CDH13: variants seen among roughly 807,000 people sequenced by gnomAD.
CDH13 encodes cadherin-13.
Under a neutral mutation model 63.8 loss-of-function variants are expected in CDH13, and 24 were observed. The observed-to-expected ratio is 0.38, with a 90% CI of 0.27 to 0.53. The LOEUF (loss-of-function observed/expected upper bound fraction) is 0.53, where lower values mean the gene tolerates loss of function less well. CDH13 is among the 20% of genes least tolerant of loss of function. CDH13 has a pLI of 0.85. For synonymous variants in CDH13, 503 were observed against 355.3 expected (o/e 1.42, Z -4.67); for missense variants, 1,049 against 903.1 (o/e 1.16, Z -2.07).
chr16:82,881,270 A>T (rs1011578207), intron 2 of CDH13, among the ~76,000 whole-genome samples: 12 of 152,082 alleles, frequency 7.9e-5, no homozygotes, highest in Non-Finnish European at 1.3e-4. Flanking sequence ...CATGGGTTGA[A>T]GTCTCCGGAA....
intron 5 of CDH13, among the ~76,000 whole-genome samples, chr16:83,286,346 A>G (rs930361079): frequency 2.0e-5 from 3 of 152,228 alleles, no homozygotes; most frequent in Non-Finnish European, 4.4e-5. Flanking sequence ...AAAGAGTTCT[A>G]TCCTCAGGGC....
chr16:82,712,541 C>G (rs907258579), intron 1 of CDH13, among the ~76,000 whole-genome samples: 2 of 152,214 alleles, frequency 1.3e-5, no homozygotes, highest in Non-Finnish European at 2.9e-5. Flanking sequence ...TTCAAACTCA[C>G]TACCCTGTGC....
At chr16:83,213,922 C>T (rs1023376111) in intron 4 of CDH13, among the ~76,000 whole-genome samples, 4 of 152,060 alleles carry the variant, frequency 2.6e-5, no homozygotes, top group Admixed American at 1.3e-4. Flanking sequence ...TCTGTAAAAA[C>T]GCACCAATCT....
intron 10 of CDH13, among the ~76,000 whole-genome samples, chr16:83,732,815 C>T (rs1232992637): frequency 1.3e-5 from 2 of 152,162 alleles, no homozygotes; most frequent in Non-Finnish European, 2.9e-5. Context: ...ATCACAGAGC[C>T]TTGAAATCCC....
chr16:83,042,008 T>C (rs1917370936), intron 3 of CDH13, among the ~76,000 whole-genome samples: 1 of 152,262 alleles, frequency 6.6e-6, no homozygotes, highest in Non-Finnish European at 1.5e-5. Context: ...AAAATACTTT[T>C]GCACATTTGT....
At position 82,715,114 on chromosome 16, in the gene CDH13, A is replaced by G. The variant is rs77196564; in HGVS notation, c.45+87977A>G. 9.8e-3 allele frequency among the ~76,000 whole-genome samples: 1,473 copies of G among 150,370 alleles called. 26 individuals are homozygous for G. The highest frequency in any genetic ancestry group is 0.035 in the African/African-American group (1,416 of 40,974). ...TTAGACAGGACCCTAGCTAAGTTCCATTCTGAGTTAATAATTGTTATTAAC... is the reference window on the plus strand; with the variant it reads ...TTAGACAGGACCCTAGCTAAGTTCCGTTCTGAGTTAATAATTGTTATTAAC... On this transcript the variant is annotated intron_variant, in intron 1 of 13. Transcript: ENST00000567109.
At chr16:83,192,474 C>T (rs889273145) in intron 4 of CDH13, among the ~76,000 whole-genome samples, 9 of 152,186 alleles carry the variant, frequency 5.9e-5, no homozygotes, top group Admixed American at 5.2e-4. Context: ...TGCAATCTTG[C>T]ATTTGGTGCT....
intron 2 of CDH13, among the ~76,000 whole-genome samples, chr16:82,884,726 C>T (rs915258787): frequency 2.0e-5 from 3 of 152,206 alleles, no homozygotes; most frequent in Non-Finnish European, 4.4e-5. Flanking sequence ...CCAAGTTTTT[C>T]TCAGCCAACA....
intron 5 of CDH13, among the ~76,000 whole-genome samples, chr16:83,302,741 G>A (rs1227888606): frequency 6.6e-6 from 1 of 152,196 alleles, no homozygotes. Context: ...AAAAGTGGGA[G>A]ACGCCAAGGA....
At chr16:82,856,761 T>G in intron 1 of CDH13, among the ~76,000 whole-genome samples, 1 of 92,544 alleles carries the variant, frequency 1.1e-5, no homozygotes, top group African/African-American at 4.2e-5. Flanking sequence ...AAAATACCAA[T>G]AGGGAATGAG....
At chr16:82,915,454 A>G (rs546230396) in intron 2 of CDH13, among the ~76,000 whole-genome samples, 2 of 152,286 alleles carry the variant, frequency 1.3e-5, no homozygotes, top group East Asian at 3.9e-4. Context: ...CTGCCCAAAG[A>G]CGCCAGAGTG....
At chr16:83,523,835 C>T (rs1256807004) in intron 7 of CDH13, among the ~76,000 whole-genome samples, 2 of 152,202 alleles carry the variant, frequency 1.3e-5, no homozygotes, top group Non-Finnish European at 1.5e-5. Context: ...ACTTCAGTCC[C>T]TCGTTATGCA....
intron 5 of CDH13, among the ~76,000 whole-genome samples, chr16:83,289,124 G>C (rs141437327): frequency 6.6e-6 from 1 of 152,096 alleles, no homozygotes; most frequent in South Asian, 2.1e-4. Flanking sequence ...TGGCCTACAA[G>C]AACCAAAAAA....
chr16:83,587,834 G>A (rs896024967), intron 7 of CDH13, among the ~76,000 whole-genome samples: 1 of 152,150 alleles, frequency 6.6e-6, no homozygotes, highest in African/African-American at 2.4e-5. Flanking sequence ...CGAATGACAG[G>A]AATAGCAGTT....
At chr16:83,412,729 G>GT (rs1272074831) in intron 6 of CDH13, among the ~76,000 whole-genome samples, 1 of 152,126 alleles carries the variant, frequency 6.6e-6, no homozygotes, top group African/African-American at 2.4e-5. Flanking sequence ...TCCTAATACG[G>GT]TGAAGTCATG....
chr16:83,158,729 C>T (rs1458640843), intron 4 of CDH13, among the ~76,000 whole-genome samples: 1 of 152,222 alleles, frequency 6.6e-6, no homozygotes, highest in African/African-American at 2.4e-5. Flanking sequence ...GGAAGGTGCC[C>T]AGCTGGGTCG....
At chr16:83,229,748 A>T (rs2039949973) in intron 5 of CDH13, among the ~76,000 whole-genome samples, 1 of 152,142 alleles carries the variant, frequency 6.6e-6, no homozygotes, top group Non-Finnish European at 1.5e-5. Context: ...TTCTGGAATC[A>T]TGTTGGAAAG....
intron 11 of CDH13, among the ~76,000 whole-genome samples, chr16:83,754,065 GC>G (rs1913308704): frequency 6.6e-6 from 1 of 152,112 alleles, no homozygotes; most frequent in African/African-American, 2.4e-5. Flanking sequence ...ATCACAGGGA[GC>G]TTTTGTGACA....
chr16:83,087,360 T>A (rs181850177), intron 3 of CDH13, among the ~76,000 whole-genome samples: 25 of 152,262 alleles, frequency 1.6e-4, no homozygotes, highest in African/African-American at 5.3e-4. Flanking sequence ...TATCCTATAC[T>A]CATTTTAAAT....
Sources: gnomAD v4.1 joint callset for allele counts (sites outside exome capture counted in the v4.1 genomes callset) on GRCh38, gnomAD v4.1.1 for gene constraint, MANE v1.5 for transcripts, NCBI Gene and HGNC (gene_info 2026-07-23, HGNC 2026-07-21) for gene names.